RS1: variants seen among roughly 807,000 people sequenced by gnomAD.
RS1 encodes retinoschisin.
Under a neutral mutation model 20.8 loss-of-function variants are expected in RS1, and 2 were observed. The observed-to-expected ratio is 0.10, with a 90% CI of 0.04 to 0.30. The LOEUF is 0.30. Ranked by LOEUF, RS1 falls within the 10% of genes least tolerant of loss-of-function variation. The pLI is 1.00. For missense variants in RS1, 151 were observed against 189.8 expected (o/e 0.80, Z 1.20); for synonymous variants, 70 against 75.8 (o/e 0.92, Z 0.40).
intron 3 of RS1, chrX:18,647,799 C>A: frequency 7.3e-6 from 1 of 137,228 alleles, no homozygotes; most frequent in Non-Finnish European, 1.5e-5. Context: ...ATTATAGGGA[C>A]AAAACCACAG....
chrX:18,650,186 C>A, intron 3 of RS1: 1 of 462,793 alleles, frequency 2.2e-6, no homozygotes, highest in Non-Finnish European at 3.8e-6. Flanking sequence ...GGTACCTGGC[C>A]AGGGCCAATG....
At chrX:18,647,862 T>C (rs914689936) in intron 3 of RS1, among the ~76,000 whole-genome samples, 7 of 107,187 alleles carry the variant, frequency 6.5e-5, no homozygotes, top group African/African-American at 2.5e-4. Flanking sequence ...GACTTCCTAC[T>C]TGTAAATTGC....
intron 3 of RS1, among the ~76,000 whole-genome samples, chrX:18,652,650 C>T (rs1226563858): frequency 9.5e-6 from 1 of 105,553 alleles, no homozygotes; most frequent in Non-Finnish European, 1.9e-5. Flanking sequence ...GCTTGGGCAA[C>T]AGAGCCAGAC....
At chrX:18,645,901 C>G in intron 4 of RS1, 1 of 1,170,816 alleles carries the variant, frequency 8.5e-7, no homozygotes, top group Non-Finnish European at 1.2e-6. Context: ...CCTAACCAAA[C>G]TCTGGTCAAT....
At chrX:18,653,602 C>A in intron 3 of RS1, 1 of 1,135,145 alleles carries the variant, frequency 8.8e-7, no homozygotes, top group Non-Finnish European at 1.2e-6. Flanking sequence ...ATGGAAGAAC[C>A]AATTAACACC....
intron 1 of RS1, among the ~76,000 whole-genome samples, chrX:18,658,914 T>C (rs1441088604): frequency 9.0e-6 from 1 of 111,650 alleles, no homozygotes; most frequent in African/African-American, 3.3e-5. Context: ...TGTTTAGAAA[T>C]TATTTTATAG....
At chrX:18,663,026 C>T in intron 1 of RS1, among the ~76,000 whole-genome samples, 1 of 97,348 alleles carries the variant, frequency 1.0e-5, no homozygotes, top group South Asian at 4.9e-4. Context: ...GTTCCAAGAA[C>T]AATGACTTTT....
chrX:18,659,473 AAAAT>A (rs1467953444), intron 1 of RS1, among the ~76,000 whole-genome samples: 48 of 111,242 alleles, frequency 4.3e-4, no homozygotes, highest in African/African-American at 1.5e-3. Context: ...CTCAAAAAAT[AAAAT>A]AAATTAATTA....
Position 18,644,412 on chromosome X carries a change from G to C in RS1, c.522+18C>G, listed in dbSNP as rs201159090. 2 of 1,204,614 alleles carry C rather than the reference G, an allele frequency of 1.7e-6. No individual in the cohort carries two copies. Among genetic ancestry groups the C allele is most frequent in the Admixed American group, 4.4e-5 (2 of 45,696 alleles). On this transcript the variant is annotated intron_variant, in intron 5 of 5. Coordinates refer to ENST00000379984, the MANE Select transcript of RS1 (RefSeq NM_000330.4). The stretch of plus-strand genomic sequence containing the variant: ...AGAGGGTGCGAGCTGAAGTTGGTTT[G>C]GGATAAGCCCAACTTACCCGGTTGT...
chrX:18,650,944 C>T (rs755648533), intron 3 of RS1, among the ~76,000 whole-genome samples: 174 of 112,087 alleles, frequency 1.6e-3, no homozygotes, highest in Non-Finnish European at 2.1e-3. Context: ...TTGTAGAGTT[C>T]GTAGAGCACA....
intron 1 of RS1, among the ~76,000 whole-genome samples, chrX:18,657,960 A>G (rs1928247909): frequency 9.0e-6 from 1 of 111,453 alleles, no homozygotes; most frequent in African/African-American, 3.3e-5. Context: ...CACTTAGGCC[A>G]GGAGTTCGAG....
Position 18,644,550 on chromosome X carries a change from T to C in RS1, c.402A>G (p.Ser134=), listed in dbSNP as rs1927701439. Residue 134 remains serine, a synonymous_variant, in exon 5 of 6, where the codon TCA becomes TCG. Coordinates refer to ENST00000379984, the MANE Select transcript of RS1 (RefSeq NM_000330.4). ...QIDLKEIKVI[S]GILTQGRCDI... is the part of the protein sequence containing the mutation. ...CACAGCGCCCCTGGGTGAGGATCCCTGAAATCACTTTGATCTCCTTCAGAT... is the reference window on the plus strand; with the variant it reads ...CACAGCGCCCCTGGGTGAGGATCCCCGAAATCACTTTGATCTCCTTCAGAT... 8.3e-6 allele frequency: 10 copies of C among 1,211,681 alleles called. No homozygotes were observed. The East Asian group carries it at 3.0e-4, about 36-fold the overall frequency.
rs112868120 is a variant in RS1 at position 18,646,223 on chromosome X, G to A, written c.326+968C>T. On this transcript the variant is annotated intron_variant, in intron 4 of 5. Coordinates refer to ENST00000379984, the MANE Select transcript of RS1 (RefSeq NM_000330.4). ...CTGGTGTGCAGTGGCACACAATCTC[G>A]GCTCACTGCAACCTCCGCCTCCCAG... 1.3e-4 allele frequency: 133 copies of A among 1,009,220 alleles called. 1 individual carries two copies. In the South Asian group the frequency reaches 2.3e-3, roughly 18 times the overall value. The allele number at this position is 1,009,220 out of a possible 1,213,427, so 83.2% of individuals were successfully genotyped here.
chrX:18,642,124 C>A lies in RS1; in HGVS notation c.555G>T (p.Thr185=), dbSNP rs769781603. The A allele has an allele frequency of 2.5e-6, 3 of 1,211,440 alleles. No homozygotes were observed. The East Asian group carries it at 8.9e-5, about 36-fold the overall frequency. ...VFYGNSDRTS[T]VQNLLRPPII... ...TGGGGGGCCGCAGCAGGTTCTGAAC[C>A]GTGGAGGTGCGGTCCGAGTTGCCAT... The change falls in exon 6 of 6, where the codon ACG becomes ACT. Residue 185 remains threonine (T), a synonymous_variant. Coordinates refer to ENST00000379984, the MANE Select transcript of RS1 (RefSeq NM_000330.4).
At chrX:18,643,319 C>T (rs1049055459) in intron 5 of RS1, among the ~76,000 whole-genome samples, 2 of 111,411 alleles carry the variant, frequency 1.8e-5, no homozygotes, top group East Asian at 2.8e-4. Context: ...ATCCACAAAA[C>T]GGGAAGGGCC....
rs774950331 is a variant in RS1, at chrX:18,640,618, C to T, written c.*1386G>A. 3.6e-5 allele frequency: 4 copies of T among 111,961 alleles called. No individual in the cohort carries two copies. The highest frequency in any genetic ancestry group is 5.6e-5 in the Non-Finnish European group (3 of 53,162). The allele number at this position is 111,961 out of a possible 1,213,427, so 9.2% of individuals were successfully genotyped here. On this transcript the variant is annotated 3_prime_UTR_variant, in exon 6 of 6. Transcript: ENST00000379984. ...ATGTTTGGGGCTTTTAGAAGGCTGC[C>T]TGTTCACAGAAAAGGTGAATGTGTT...
In RS1 at chrX:18,639,790, A is replaced by G. The variant is rs1173012757; in HGVS notation, c.*2214T>C. The G allele has an allele frequency of 4.4e-5, 5 of 112,609 alleles. No homozygotes were observed. The highest frequency in any genetic ancestry group is 9.4e-5 in the Non-Finnish European group (5 of 53,375). The allele number at this position is 112,609 out of a possible 1,213,427, so 9.3% of individuals were successfully genotyped here. On this transcript the variant is annotated 3_prime_UTR_variant, in exon 6 of 6. Coordinates refer to ENST00000379984, the MANE Select transcript of RS1 (RefSeq NM_000330.4). Reference sequence around the variant, plus strand: ...GGATAAATAACAATGTGCTCTTGACATGATACTGAACAATGATGTTCAGCA... The same window carrying G: ...GGATAAATAACAATGTGCTCTTGACGTGATACTGAACAATGATGTTCAGCA...
intron 1 of RS1, among the ~76,000 whole-genome samples, chrX:18,667,283 G>A (rs1489587806): frequency 3.6e-5 from 4 of 111,536 alleles, no homozygotes; most frequent in Non-Finnish European, 5.7e-5. Context: ...CGTGGCTCAC[G>A]CCTGTAATCC....
intron 3 of RS1, 174 bp from the exon 4 acceptor site, chrX:18,647,506 G>A (rs1927835605): frequency 6.2e-6 from 3 of 480,893 alleles, no homozygotes; most frequent in Non-Finnish European, 7.2e-6. Context: ...CACTACTCAC[G>A]CAAGAAAGGA....
Sources: gnomAD v4.1 joint callset for allele counts (sites outside exome capture counted in the v4.1 genomes callset) on GRCh38, gnomAD v4.1.1 for gene constraint, MANE v1.5 for transcripts, NCBI Gene and HGNC (gene_info 2026-07-23, HGNC 2026-07-21) for gene names.